SNTB1: variants seen among roughly 807,000 people sequenced by gnomAD.
SNTB1 encodes syntrophin beta 1.
In SNTB1, 36 loss-of-function variants were observed where a neutral mutation model predicts 48.9. The ratio of observed to expected loss-of-function variants is 0.74; its 90% CI spans 0.56 to 0.97. SNTB1 has a LOEUF of 0.97. Among genes scored for constraint, SNTB1 ranks in the 50% least tolerant of loss-of-function variants. SNTB1 has a pLI of 0.00. For missense variants in SNTB1, 786 were observed against 703.4 expected (o/e 1.12, Z -1.33); for synonymous variants, 299 against 294.6 (o/e 1.01, Z -0.15).
intron 3 of SNTB1, among the ~76,000 whole-genome samples, chr8:120,626,298 T>C (rs1314793219): frequency 6.6e-6 from 1 of 152,024 alleles, no homozygotes; most frequent in East Asian, 1.9e-4. Flanking sequence ...TACAGGGAGG[T>C]AGACAGATTG....
At chr8:120,678,773 C>CT (rs568708900) in intron 2 of SNTB1, among the ~76,000 whole-genome samples, 74 of 146,692 alleles carry the variant, frequency 5.0e-4, no homozygotes, top group East Asian at 2.4e-3. Flanking sequence ...AATTTTGTGA[C>CT]TTTTTTTTTT....
intron 1 of SNTB1, among the ~76,000 whole-genome samples, chr8:120,750,703 T>C (rs11997006): frequency 0.13 from 19,731 of 152,054 alleles, 1,661 homozygotes; most frequent in African/African-American, 0.23. Context: ...CCAAGGGTCA[T>C]GAATGCTCAT....
rs142064180 is a variant in SNTB1, at chr8:120,563,661, G to T, written c.1136+11425C>A. On this transcript the variant is annotated intron_variant, in intron 4 of 6. Transcript: ENST00000517992. ...CCAAGCAAAGAAATGCATCAACTAT[G>T]AACTCTTTGAGGGCATAACTTGATT... 2.7e-3 allele frequency among the ~76,000 whole-genome samples: 416 copies of T among 152,252 alleles called. 4 individuals are homozygous for T. Among genetic ancestry groups the T allele is most frequent in the African/African-American group, 9.7e-3 (404 of 41,544 alleles).
intron 3 of SNTB1, among the ~76,000 whole-genome samples, chr8:120,613,392 T>G (rs561234760): frequency 7.5e-4 from 113 of 151,280 alleles, no homozygotes; most frequent in Non-Finnish European, 1.5e-3. Context: ...GATAGTAGAA[T>G]GGTAGTTACT....
At chr8:120,792,763 T>C (rs1414362707) in intron 1 of SNTB1, among the ~76,000 whole-genome samples, 1 of 152,054 alleles carries the variant, frequency 6.6e-6, no homozygotes. Context: ...GGTAGCTGGT[T>C]GTACAGGATG....
intron 4 of SNTB1, among the ~76,000 whole-genome samples, chr8:120,562,876 A>AAAAAAG (rs369431796): frequency 0.014 from 2,100 of 151,804 alleles, 38 homozygotes; most frequent in African/African-American, 0.045. Context: ...CTACCGCTCA[A>AAAAAAG]AAAAAGAAAA....
chr8:120,798,496 T>C (rs1820159745), intron 1 of SNTB1, among the ~76,000 whole-genome samples: 1 of 152,038 alleles, frequency 6.6e-6, no homozygotes, highest in Admixed American at 6.6e-5. Context: ...AAGGACAGCC[T>C]CCACAATGAA....
At chr8:120,737,025 C>T (rs1481473337) in intron 1 of SNTB1, among the ~76,000 whole-genome samples, 2 of 152,150 alleles carry the variant, frequency 1.3e-5, no homozygotes, top group Non-Finnish European at 2.9e-5. Flanking sequence ...TGTTCATCAA[C>T]GTGATATATT....
In SNTB1 at chr8:120,580,218, C is replaced by T. The variant is rs140003751; in HGVS notation, c.997-4993G>A. On this transcript the variant is annotated intron_variant, in intron 3 of 6. Transcript: ENST00000517992. ...CTTTTTCTCGCTTCATACCAACTCA[C>T]TCTTCCTAACATATTTACTTTCCAC... Among the ~76,000 whole-genome samples the T allele has an allele frequency of 5.9e-3, 905 of 152,322 alleles. 9 individuals carry two copies. Among genetic ancestry groups the T allele is most frequent in the African/African-American group, 0.018 (746 of 41,568 alleles).
At chr8:120,683,959 A>G (rs1463790888) in intron 2 of SNTB1, among the ~76,000 whole-genome samples, 1 of 152,212 alleles carries the variant, frequency 6.6e-6, no homozygotes, top group Admixed American at 6.5e-5. Context: ...ATAATGTCTT[A>G]GTCTGTTAGG....
At chr8:120,641,855 C>T (rs1377767272) in intron 2 of SNTB1, among the ~76,000 whole-genome samples, 1 of 152,168 alleles carries the variant, frequency 6.6e-6, no homozygotes, top group Non-Finnish European at 1.5e-5. Flanking sequence ...ACTTTTGCCT[C>T]AGGCAAAAAT....
intron 1 of SNTB1, among the ~76,000 whole-genome samples, chr8:120,753,442 C>T (rs568263115): frequency 1.8e-4 from 27 of 152,302 alleles, no homozygotes; most frequent in African/African-American, 6.3e-4. Flanking sequence ...AAGTCCTTCA[C>T]CTTCTCTGAA....
chr8:120,810,969 C>T (rs1207730742), intron 1 of SNTB1, among the ~76,000 whole-genome samples: 3 of 152,146 alleles, frequency 2.0e-5, no homozygotes, highest in Non-Finnish European at 4.4e-5. Flanking sequence ...AATGAAACAA[C>T]GTATACTAAG....
At chr8:120,792,281 G>C (rs1045638465) in intron 1 of SNTB1, among the ~76,000 whole-genome samples, 3 of 151,006 alleles carry the variant, frequency 2.0e-5, no homozygotes, top group Non-Finnish European at 4.4e-5. Context: ...GTTCTCATAA[G>C]TGGGGGCTAA....
chr8:120,606,733 G>C (rs1463408027), intron 3 of SNTB1, among the ~76,000 whole-genome samples: 2 of 152,168 alleles, frequency 1.3e-5, no homozygotes, highest in Non-Finnish European at 1.5e-5. Flanking sequence ...TGACCATGTA[G>C]AGAAAAGTGC....
intron 1 of SNTB1, among the ~76,000 whole-genome samples, chr8:120,790,641 A>G (rs1364304360): frequency 6.6e-6 from 1 of 151,870 alleles, no homozygotes; most frequent in Non-Finnish European, 1.5e-5. Context: ...TACAATAGCA[A>G]AAAATAAAAT....
Position 120,604,457 on chromosome 8 carries a change from CTT to C in SNTB1, c.996+27985_996+27986del, listed in dbSNP as rs60947708. Among the ~76,000 whole-genome samples the C allele has an allele frequency of 5.0e-3, 669 of 132,906 alleles. 2 individuals are homozygous for C. The highest frequency in any genetic ancestry group is 0.012 in the African/African-American group (439 of 36,724). The allele number at this position is 132,906 out of a possible 152,430, so 87.2% of individuals were successfully genotyped here. On this transcript the variant is annotated intron_variant, in intron 3 of 6. Transcript: ENST00000517992. ...GCTTGGAAGCCTATGGCTTTTGCTT[CTT>C]TTTTTTTTTTTTTTGAGACAGTTTC... is the stretch of plus-strand genomic sequence containing the variant.
chr8:120,611,268 G>A lies in SNTB1; in HGVS notation c.996+21176C>T, dbSNP rs566299799. ...GTCACTTTTGGCCAGCTGGTGGCCA[G>A]TTAAACCTTCCCCCAAGAGTGCAGA... is the stretch of plus-strand genomic sequence containing the variant. On this transcript the variant is annotated intron_variant, in intron 3 of 6. Coordinates refer to ENST00000517992, the MANE Select transcript of SNTB1 (RefSeq NM_021021.4). Among the ~76,000 whole-genome samples the A allele has an allele frequency of 2.0e-5, 3 of 152,250 alleles. No homozygotes were observed. The East Asian group carries it at 5.8e-4, about 29-fold the overall frequency.
chr8:120,652,313 C>T (rs947672816), intron 2 of SNTB1, among the ~76,000 whole-genome samples: 1 of 152,066 alleles, frequency 6.6e-6, no homozygotes, highest in Middle Eastern at 3.2e-3. Context: ...ACAATTTGGA[C>T]CAAAGAGATC....
Sources: allele counts gnomAD v4.1 joint callset (sites outside exome capture counted in the v4.1 genomes callset), GRCh38; gene constraint gnomAD v4.1.1; transcripts MANE v1.5; gene names NCBI Gene and HGNC (gene_info 2026-07-23, HGNC 2026-07-21).